ERBB4: variants seen among roughly 807,000 people sequenced by gnomAD.
The protein encoded by ERBB4 is erb-b2 receptor tyrosine kinase 4.
Under a neutral mutation model 158.0 loss-of-function variants are expected in ERBB4, and 42 were observed. The observed-to-expected ratio is 0.27, with a 90% CI of 0.21 to 0.34. The LOEUF (loss-of-function observed/expected upper bound fraction) is 0.34. ERBB4 is among the 10% of genes least tolerant of loss of function. The probability of loss-of-function intolerance (pLI) is 1.00; values close to 1 mark genes in which losing one functional copy is unlikely to be tolerated. For synonymous variants in ERBB4, 583 were observed against 558.7 expected, an observed-to-expected ratio of 1.04 and a Z score of -0.61; for missense variants, 1,333 against 1,624.1, an observed-to-expected ratio of 0.82 and a Z score of 3.08.
intron 25 of ERBB4, among the ~76,000 whole-genome samples, chr2:211,417,251 T>C (rs1047802041): frequency 2.6e-5 from 4 of 152,100 alleles, no homozygotes; most frequent in Non-Finnish European, 5.9e-5. Context: ...GGTGGGTGGA[T>C]TGCTTGAGCT....
At chr2:212,172,903 C>T (rs370398146) in intron 1 of ERBB4, among the ~76,000 whole-genome samples, 1 of 152,010 alleles carries the variant, frequency 6.6e-6, no homozygotes, top group Non-Finnish European at 1.5e-5. Context: ...ACCCATGTAA[C>T]AAACTTCTAT....
At position 212,015,101 on chromosome 2, in the gene ERBB4, TATATATATATAA is replaced by T. The variant is rs2076494858; in HGVS notation, c.235-67497_235-67486del. On this transcript the variant is annotated intron_variant, in intron 2 of 27. Coordinates refer to ENST00000342788, the MANE Select transcript of ERBB4 (RefSeq NM_005235.3). ...ATATATATATATATATATATATATA[TATATATATATAA>T]AAATTAGCCGGGCATGGTGGCGGGT... Among the ~76,000 whole-genome samples the T allele has an allele frequency of 7.8e-5, 6 of 77,036 alleles. 1 individual carries two copies. The highest frequency in any genetic ancestry group is 1.7e-4 in the Admixed American group (1 of 6,022). 50.5% of individuals were successfully genotyped at this position (77,036 alleles called of 152,430 possible).
intron 3 of ERBB4, among the ~76,000 whole-genome samples, chr2:211,800,722 G>A (rs375765933): frequency 8.1e-5 from 12 of 148,088 alleles, no homozygotes; most frequent in Admixed American, 2.7e-4. Context: ...TCCCAACCTC[G>A]TCTCTTGAGG....
intron 5 of ERBB4, among the ~76,000 whole-genome samples, chr2:211,741,587 C>T (rs960820427): frequency 1.3e-5 from 2 of 151,734 alleles, no homozygotes; most frequent in African/African-American, 4.8e-5. Context: ...TCTCTAGTTA[C>T]CTAATGTCCC....
chr2:211,560,336 G>T (rs2067356549), intron 20 of ERBB4, among the ~76,000 whole-genome samples: 1 of 131,422 alleles, frequency 7.6e-6, no homozygotes, highest in Non-Finnish European at 1.5e-5. Context: ...GTGCAGTGGT[G>T]TGATCTCGGC....
intron 20 of ERBB4, among the ~76,000 whole-genome samples, chr2:211,486,406 C>T (rs2065205372): frequency 6.6e-6 from 1 of 152,080 alleles, no homozygotes; most frequent in Admixed American, 6.6e-5. Flanking sequence ...TTGATTCTAA[C>T]ACATTTAAAA....
In ERBB4 at chr2:212,008,534, C is replaced by T. The variant is rs74980316; in HGVS notation, c.235-60918G>A. Among the ~76,000 whole-genome samples the T allele has an allele frequency of 7.2e-3, 1,095 of 152,104 alleles. 12 individuals carry two copies. The highest frequency in any genetic ancestry group is 0.025 in the African/African-American group (1,042 of 41,506). On this transcript the variant is annotated intron_variant, in intron 2 of 27. Coordinates refer to ENST00000342788, the MANE Select transcript of ERBB4 (RefSeq NM_005235.3). ...TGAACAAATACAAAAATTTTGAAAG[C>T]GCTGCACATTCAGTCATTGTATTTA...
intron 1 of ERBB4, among the ~76,000 whole-genome samples, chr2:212,226,694 A>C (rs1387615038): frequency 6.6e-6 from 1 of 152,184 alleles, no homozygotes; most frequent in Non-Finnish European, 1.5e-5. Context: ...TATGTTATAT[A>C]GAACATAAAG....
chr2:211,453,813 GTTTGT>G (rs1050217693), intron 20 of ERBB4, among the ~76,000 whole-genome samples: 5 of 152,148 alleles, frequency 3.3e-5, no homozygotes, highest in Non-Finnish European at 7.4e-5. Context: ...GTAGAAAGTT[GTTTGT>G]TTTAACATAC....
intron 5 of ERBB4, among the ~76,000 whole-genome samples, chr2:211,730,777 T>A (rs1450018086): frequency 6.6e-6 from 1 of 152,088 alleles, no homozygotes; most frequent in Non-Finnish European, 1.5e-5. Flanking sequence ...TTCTATTAAA[T>A]CAAAATCGCT....
At chr2:211,655,320 A>C (rs907978313) in intron 16 of ERBB4, among the ~76,000 whole-genome samples, 3 of 152,062 alleles carry the variant, frequency 2.0e-5, no homozygotes, top group Admixed American at 6.6e-5. Context: ...TCTCACCCTC[A>C]AGGTTTGAGA....
At chr2:211,502,746 C>T (rs1467621517) in intron 20 of ERBB4, among the ~76,000 whole-genome samples, 1 of 152,070 alleles carries the variant, frequency 6.6e-6, no homozygotes, top group African/African-American at 2.4e-5. Context: ...GATTTATAAT[C>T]TATGGAAAAT....
In ERBB4 at chr2:211,640,102, A is replaced by ATTT. The variant is rs573794721; in HGVS notation, c.1947-9511_1947-9509dup. Among the ~76,000 whole-genome samples, 419 of 151,454 alleles carry ATTT rather than the reference A, an allele frequency of 2.8e-3. 2 individuals carry two copies. The highest frequency in any genetic ancestry group is 9.1e-3 in the African/African-American group (374 of 41,294). On this transcript the variant is annotated intron_variant, in intron 16 of 27. Coordinates refer to ENST00000342788, the MANE Select transcript of ERBB4 (RefSeq NM_005235.3). ...CAATTCTGTATATAAAGCATTTTTG[A>ATTT]TTTTTTTTTAACTATACTTTAGATT... is the stretch of plus-strand genomic sequence containing the variant.
intron 2 of ERBB4, among the ~76,000 whole-genome samples, chr2:212,049,324 G>A (rs1353968837): frequency 6.6e-6 from 1 of 152,002 alleles, no homozygotes; most frequent in African/African-American, 2.4e-5. Context: ...ACAATAATTG[G>A]ACCTATATGA....
intron 2 of ERBB4, among the ~76,000 whole-genome samples, chr2:211,974,984 T>C (rs536158467): frequency 4.0e-5 from 6 of 150,598 alleles, no homozygotes; most frequent in Middle Eastern, 3.4e-3. Context: ...AAATATTATA[T>C]CCATCACTTT....
intron 2 of ERBB4, among the ~76,000 whole-genome samples, chr2:211,971,530 G>A (rs957871434): frequency 1.3e-5 from 2 of 152,010 alleles, no homozygotes; most frequent in African/African-American, 4.8e-5. Flanking sequence ...AATTGAGAAG[G>A]ACCTCCTCCC....
At chr2:211,405,582 C>A (rs1362478187) in intron 25 of ERBB4, among the ~76,000 whole-genome samples, 2 of 152,118 alleles carry the variant, frequency 1.3e-5, no homozygotes, top group East Asian at 1.9e-4. Flanking sequence ...TCTGACTCAT[C>A]TTCCTTTCTG....
At chr2:211,871,825 G>A (rs1332653387) in intron 3 of ERBB4, among the ~76,000 whole-genome samples, 1 of 152,038 alleles carries the variant, frequency 6.6e-6, no homozygotes, top group Non-Finnish European at 1.5e-5. Flanking sequence ...CTTGCAATCA[G>A]CACTAAATCT....
At chr2:212,067,626 G>A (rs1575591465) in intron 2 of ERBB4, among the ~76,000 whole-genome samples, 1 of 152,102 alleles carries the variant, frequency 6.6e-6, no homozygotes, top group Non-Finnish European at 1.5e-5. Context: ...AAAAATGTCA[G>A]ATGTCACAAC....
Sources: gnomAD v4.1 joint callset for allele counts (sites outside exome capture counted in the v4.1 genomes callset) on GRCh38, gnomAD v4.1.1 for gene constraint, MANE v1.5 for transcripts, NCBI Gene and HGNC (gene_info 2026-07-23, HGNC 2026-07-21) for gene names.